PHF2: variants seen among roughly 807,000 people sequenced by gnomAD.
PHF2 encodes the protein lysine-specific demethylase PHF2.
PHF2 carries 27 observed loss-of-function variants against 120.5 expected under a neutral mutation model. That is an observed-to-expected ratio of 0.22 (90% CI 0.17 to 0.31). The LOEUF (loss-of-function observed/expected upper bound fraction) is 0.31, where lower values mean the gene tolerates loss of function less well. Ranked by LOEUF, PHF2 falls within the 10% of genes least tolerant of loss-of-function variation. The pLI is 1.00. For missense variants in PHF2, 1,024 were observed against 1,434.8 expected, an observed-to-expected ratio of 0.71 and a Z score of 4.63; for synonymous variants, 568 against 592.5, an observed-to-expected ratio of 0.96 and a Z score of 0.60.
At chr9:93,614,998 GTGA>G (rs552399358) in intron 1 of PHF2, among the ~76,000 whole-genome samples, 2,350 of 151,486 alleles carry the variant, frequency 0.016, 66 homozygotes, top group African/African-American at 0.051. Flanking sequence ...GATGATGATG[GTGA>G]TGATGATAGT....
chr9:93,618,849 C>CTGTGTGATGTGTATGTGTGT (rs1564383288), intron 1 of PHF2, among the ~76,000 whole-genome samples: 1 of 2,458 alleles, frequency 4.1e-4, no homozygotes, highest in African/African-American at 1.5e-3. Flanking sequence ...TGTGTGTGTG[C>CTGTGTGATGTGTATGTGTGT]CTGTGTGTGG....
In PHF2 at chr9:93,676,508, C is replaced by T. The variant is rs571534999; in HGVS notation, c.2833-86C>T. ...CCCAGCCCTGCTGTGCTCAAGGGCC[C>T]CTGGCAAGGCCATGCCGGGAGCTCC... On this transcript the variant is annotated intron_variant, in intron 20 of 21. Coordinates refer to ENST00000359246, the MANE Select transcript of PHF2 (RefSeq NM_005392.4). The T allele has an allele frequency of 1.1e-5, 16 of 1,495,936 alleles. No homozygotes were observed. The East Asian group carries it at 2.1e-4, about 19-fold the overall frequency. The allele number at this position is 1,495,936 out of a possible 1,614,324, so 92.7% of individuals were successfully genotyped here. A position where few individuals can be genotyped will look rare whatever the true frequency, so the allele number is the denominator to read the frequency against.
At chr9:93,584,577 C>G (rs2131598154) in intron 1 of PHF2, among the ~76,000 whole-genome samples, 1 of 152,372 alleles carries the variant, frequency 6.6e-6, no homozygotes, top group South Asian at 2.1e-4. Context: ...TTTCTGGACT[C>G]TCAGTTCTAT....
At chr9:93,591,600 A>T (rs974686691) in intron 1 of PHF2, among the ~76,000 whole-genome samples, 7 of 152,056 alleles carry the variant, frequency 4.6e-5, no homozygotes, top group Non-Finnish European at 8.8e-5. Context: ...CTTACACTGA[A>T]TTTTTTTCTC....
intron 1 of PHF2, among the ~76,000 whole-genome samples, chr9:93,619,776 A>T (rs1825794875): frequency 6.6e-6 from 1 of 152,164 alleles, no homozygotes; most frequent in African/African-American, 2.4e-5. Flanking sequence ...GAAGAAACTC[A>T]GGGGGTGCTG....
At chr9:93,607,917 TGAGA>T (rs1436256078) in intron 1 of PHF2, among the ~76,000 whole-genome samples, 2 of 116,840 alleles carry the variant, frequency 1.7e-5, no homozygotes, top group African/African-American at 6.6e-5. Context: ...GGGAAAGAGA[TGAGA>T]GAGAGAGAGG....
chr9:93,623,789 T>C (rs79690230), intron 1 of PHF2, among the ~76,000 whole-genome samples: 5 of 152,350 alleles, frequency 3.3e-5, no homozygotes, highest in African/African-American at 1.2e-4. Context: ...GAGTGAACTT[T>C]ATATTTTCAA....
At chr9:93,597,731 C>T (rs1232232543) in intron 1 of PHF2, among the ~76,000 whole-genome samples, 4 of 152,182 alleles carry the variant, frequency 2.6e-5, no homozygotes, top group South Asian at 4.1e-4. Context: ...TGTGGCACTG[C>T]AGTCACCTTG....
At chr9:93,582,212 A>T (rs954594154) in intron 1 of PHF2, among the ~76,000 whole-genome samples, 3 of 152,176 alleles carry the variant, frequency 2.0e-5, no homozygotes, top group African/African-American at 7.2e-5. Flanking sequence ...GCAGGTGGAC[A>T]CACTCACCTC....
chr9:93,636,779 C>T (rs78544667), intron 3 of PHF2, among the ~76,000 whole-genome samples: 6,389 of 152,276 alleles, frequency 0.042, 428 homozygotes, highest in African/African-American at 0.14. Flanking sequence ...ACCTTTCTCC[C>T]GCTGGGTGGA....
chr9:93,648,100 A>AGACC (rs1376790676), intron 4 of PHF2, among the ~76,000 whole-genome samples: 2 of 121,292 alleles, frequency 1.6e-5, no homozygotes, highest in Non-Finnish European at 3.6e-5. Context: ...AATCCAAATT[A>AGACC]GACCCCCACA....
chr9:93,599,923 G>A (rs10992798), intron 1 of PHF2, among the ~76,000 whole-genome samples: 56,975 of 152,070 alleles, frequency 0.37, 10,985 homozygotes, highest in Non-Finnish European at 0.4. Context: ...GTCTTTATCA[G>A]TGAAGACTTT....
Position 93,665,943 on chromosome 9 carries a change from G to C in PHF2, c.2117-47G>C, listed in dbSNP as rs767958269. ...CGGAGAGGTCTTCCCAGGGTGGCTG[G>C]CTCCCCGCAAGGCCTCCCGCTGGAC... On this transcript the variant is annotated intron_variant, in intron 15 of 21. Transcript: ENST00000359246. 3.1e-6 allele frequency: 5 copies of C among 1,611,922 alleles called. No homozygotes were observed. In the South Asian group the frequency reaches 4.4e-5, roughly 14 times the overall value.
At chr9:93,644,554 C>T (rs1444566508) in intron 3 of PHF2, among the ~76,000 whole-genome samples, 2 of 152,132 alleles carry the variant, frequency 1.3e-5, no homozygotes, top group South Asian at 2.1e-4. Flanking sequence ...GTGGTGCACT[C>T]CTCCCCTCGG....
chr9:93,587,484 G>GGA (rs1863072026), intron 1 of PHF2, among the ~76,000 whole-genome samples: 2 of 150,124 alleles, frequency 1.3e-5, no homozygotes, highest in South Asian at 4.2e-4. Context: ...CCCGGGTGAG[G>GGA]GATGATGGAG....
intron 1 of PHF2, among the ~76,000 whole-genome samples, chr9:93,588,453 A>G (rs1016087646): frequency 1.3e-5 from 2 of 152,170 alleles, no homozygotes; most frequent in African/African-American, 2.4e-5. Flanking sequence ...AGCAACGAGA[A>G]TAACTCTCTT....
intron 1 of PHF2, among the ~76,000 whole-genome samples, chr9:93,600,173 C>G (rs10821173): frequency 0.38 from 57,023 of 151,654 alleles, 11,017 homozygotes; most frequent in Non-Finnish European, 0.4. Flanking sequence ...AGTTTGTGTG[C>G]TGTGTGTCTG....
At position 93,644,259 on chromosome 9, in the gene PHF2, G is replaced by C. The variant is rs1365813851; in HGVS notation, c.300-1370G>C. 3.3e-5 allele frequency among the ~76,000 whole-genome samples: 5 copies of C among 152,096 alleles called. No homozygotes were observed. In the East Asian group the frequency reaches 7.7e-4, roughly 24 times the overall value. On this transcript the variant is annotated intron_variant, in intron 3 of 21. Transcript: ENST00000359246. ...AAATTAGCCAGGCATGGTGGCACATGCCTGTAATCCCAGCTACTCAGGAGG... is the reference window on the plus strand; with the variant it reads ...AAATTAGCCAGGCATGGTGGCACATCCCTGTAATCCCAGCTACTCAGGAGG...
chr9:93,677,616 C>A lies in PHF2; in HGVS notation c.3231C>A (p.Thr1077=). 1.2e-6 allele frequency: 2 copies of A among 1,613,846 alleles called. No homozygotes were observed. The highest frequency in any genetic ancestry group is 1.7e-6 in the Non-Finnish European group (2 of 1,179,926). Residue 1077 remains threonine (T), a synonymous_variant, in exon 22 of 22, where the codon ACC becomes ACA. Coordinates refer to ENST00000359246, the MANE Select transcript of PHF2 (RefSeq NM_005392.4). This position sits in a 1 kb window ranked among gnomAD's most constrained non-coding sequence, Gnocchi z 4.4. ...KGKRTKKGMA[T]AKQRLGKILK... The stretch of plus-strand genomic sequence containing the variant: ...AACGTACGAAAAAGGGCATGGCGAC[C>A]GCCAAGCAGAGGCTTGGGAAAATTT...
Sources: gnomAD v4.1 joint callset for allele counts (sites outside exome capture counted in the v4.1 genomes callset) on GRCh38, gnomAD v4.1.1 for gene constraint, Gnocchi (gnomAD v3.1) non-coding constraint, MANE v1.5 for transcripts, NCBI Gene and HGNC (gene_info 2026-07-23, HGNC 2026-07-21) for gene names.